SHANK2: variants seen among roughly 807,000 people sequenced by gnomAD.
The protein encoded by SHANK2 is SH3 and multiple ankyrin repeat domains protein 2.
In SHANK2, 43 loss-of-function variants were observed where a neutral mutation model predicts 133.7. The ratio of observed to expected loss-of-function variants is 0.32; its 90% CI spans 0.25 to 0.41. SHANK2 has a LOEUF of 0.41. Ranked by LOEUF, SHANK2 falls within the 10% of genes least tolerant of loss-of-function variation. The pLI, the probability that SHANK2 is intolerant of heterozygous loss-of-function variation, is 1.00. For synonymous variants in SHANK2, 1,017 were observed against 952.8 expected, an observed-to-expected ratio of 1.07 and a Z score of -1.24; for missense variants, 1,994 against 2,235.8, an observed-to-expected ratio of 0.89 and a Z score of 2.18.
intron 25 of SHANK2, chr11:70,477,139 AG>A (rs1555150284): frequency 1.3e-5 from 2 of 152,198 alleles, no homozygotes; most frequent in East Asian, 3.9e-4. Context: ...GCAGCACAGC[AG>A]GTGGCACTTA....
At chr11:70,824,235 T>G (rs1284974480) in intron 11 of SHANK2, among the ~76,000 whole-genome samples, 4 of 151,972 alleles carry the variant, frequency 2.6e-5, no homozygotes, top group African/African-American at 7.3e-5. Context: ...GAGCCAAGCC[T>G]GGGGAGCCGC....
chr11:71,108,933 G>A (rs546158964), intron 6 of SHANK2, among the ~76,000 whole-genome samples: 50 of 149,932 alleles, frequency 3.3e-4, no homozygotes, highest in Non-Finnish European at 5.5e-4. Flanking sequence ...TCCACACCCA[G>A]CGGGCCCCCC....
intron 14 of SHANK2, among the ~76,000 whole-genome samples, chr11:70,797,545 G>A (rs1018086567): frequency 2.0e-5 from 3 of 152,116 alleles, no homozygotes; most frequent in South Asian, 2.1e-4. Flanking sequence ...CAGAACACAC[G>A]TTTGTAGGGC....
At chr11:70,724,218 T>C (rs899134667) in intron 14 of SHANK2, among the ~76,000 whole-genome samples, 3 of 152,124 alleles carry the variant, frequency 2.0e-5, no homozygotes, top group Non-Finnish European at 2.9e-5. Context: ...GTATTTTTAG[T>C]AGAGACAGGG....
intron 15 of SHANK2, among the ~76,000 whole-genome samples, chr11:70,691,661 G>T (rs541837094): frequency 2.8e-4 from 42 of 152,342 alleles, no homozygotes; most frequent in Non-Finnish European, 5.1e-4. Flanking sequence ...GGAGGCTGAG[G>T]CTGGTGGATC....
rs1468767063 is a variant in SHANK2 at position 71,060,564 on chromosome 11, C to T, written c.1030-4006G>A. 2.0e-5 allele frequency among the ~76,000 whole-genome samples: 3 copies of T among 152,228 alleles called. No individual in the cohort carries two copies. The East Asian group carries it at 5.8e-4, about 29-fold the overall frequency. ...TTTCACAGAAGATGTTCACCCACTC[C>T]TGGGGAGCAGGAAGGCAGAGGCGGC... On this transcript the variant is annotated intron_variant, in intron 9 of 25. Transcript: ENST00000601538.
chr11:70,631,541 G>C (rs2060991202), intron 17 of SHANK2, among the ~76,000 whole-genome samples: 1 of 152,230 alleles, frequency 6.6e-6, no homozygotes, highest in Non-Finnish European at 1.5e-5. Context: ...CCAGCGGACA[G>C]TGAGTCACTG....
chr11:70,708,161 G>C (rs1555025344), intron 14 of SHANK2, among the ~76,000 whole-genome samples: 2 of 152,184 alleles, frequency 1.3e-5, no homozygotes, highest in African/African-American at 4.8e-5. Context: ...ATGCAACCCA[G>C]CTCAGGCAAG....
At chr11:70,843,246 G>T (rs1490588063) in intron 11 of SHANK2, among the ~76,000 whole-genome samples, 2 of 128,998 alleles carry the variant, frequency 1.6e-5, no homozygotes, top group African/African-American at 5.7e-5. Context: ...GGTGGGCTGG[G>T]CTCCTATGGG....
rs2059264109 is a variant in SHANK2, at chr11:70,516,229, C to G, written c.2062-13298G>C. ...TGACACTCCCCAACTTCAAGAGTTA[C>G]TATACAGCTACAGTAATCAAGGCAG... On this transcript the variant is annotated intron_variant, in intron 17 of 25. Transcript: ENST00000601538. Among the ~76,000 whole-genome samples the G allele has an allele frequency of 3.3e-5, 5 of 152,212 alleles. No homozygotes were observed. In the South Asian group the frequency reaches 1.0e-3, roughly 32 times the overall value.
At chr11:71,131,257 C>T (rs1952300198) in intron 3 of SHANK2, among the ~76,000 whole-genome samples, 1 of 152,216 alleles carries the variant, frequency 6.6e-6, no homozygotes, top group South Asian at 2.1e-4. Flanking sequence ...TGGTGGCAAA[C>T]ACTAAAACCC....
At chr11:70,706,786 A>G (rs1945671527) in intron 14 of SHANK2, among the ~76,000 whole-genome samples, 1 of 151,938 alleles carries the variant, frequency 6.6e-6, no homozygotes, top group African/African-American at 2.4e-5. Context: ...CCCACTTAAT[A>G]TACCTTTTGG....
intron 14 of SHANK2, among the ~76,000 whole-genome samples, chr11:70,737,656 C>A (rs1396437432): frequency 6.6e-6 from 1 of 152,226 alleles, no homozygotes; most frequent in Non-Finnish European, 1.5e-5. Flanking sequence ...GCCCAGGCCC[C>A]AGTGGGCAGC....
At chr11:70,621,544 A>G (rs1407794733) in intron 17 of SHANK2, among the ~76,000 whole-genome samples, 1 of 152,194 alleles carries the variant, frequency 6.6e-6, no homozygotes, top group East Asian at 1.9e-4. Flanking sequence ...GGTGCTTGGG[A>G]AATACGGGTG....
In SHANK2 at chr11:70,473,523, G is replaced by A. The variant is rs115020048; in HGVS notation, c.4980-84C>T. Reference sequence around the variant, plus strand: ...GCTGCAGATCACCCAGGAAGGCGAGGGAGACGCCCAAACCATGCCAGAGTG... The same window carrying A: ...GCTGCAGATCACCCAGGAAGGCGAGAGAGACGCCCAAACCATGCCAGAGTG... On this transcript the variant is annotated intron_variant, in intron 25 of 25. Transcript: ENST00000601538. This position sits in a 1 kb window ranked among gnomAD's most constrained non-coding sequence, Gnocchi z 5.9. 2,410 of 1,370,598 alleles carry A rather than the reference G, an allele frequency of 1.8e-3. 23 individuals are homozygous for A. In the African/African-American group the frequency reaches 0.028, roughly 16 times the overall value. The allele number at this position is 1,370,598 out of a possible 1,614,324, so 84.9% of individuals were successfully genotyped here.
At chr11:70,793,902 G>A (rs1212263631) in intron 14 of SHANK2, among the ~76,000 whole-genome samples, 4 of 152,212 alleles carry the variant, frequency 2.6e-5, no homozygotes, top group African/African-American at 4.8e-5. Flanking sequence ...AGCCAAAACT[G>A]AGAAGCAATC....
At chr11:71,096,188 T>C (rs1425871952) in intron 6 of SHANK2, among the ~76,000 whole-genome samples, 1 of 152,262 alleles carries the variant, frequency 6.6e-6, no homozygotes, top group Non-Finnish European at 1.5e-5. Context: ...TGAATGCCAT[T>C]GCACATGACT....
chr11:70,876,134 C>G (rs376352618), intron 11 of SHANK2, among the ~76,000 whole-genome samples: 1 of 149,864 alleles, frequency 6.7e-6, no homozygotes, highest in East Asian at 2.0e-4. Flanking sequence ...CCAGCCTGGG[C>G]AACAAGAGTG....
At chr11:71,063,419 CAT>C (rs1209805636) in intron 9 of SHANK2, among the ~76,000 whole-genome samples, 11 of 152,340 alleles carry the variant, frequency 7.2e-5, no homozygotes, top group South Asian at 6.2e-4. Context: ...GCATATCACA[CAT>C]GTGTCTGTGT....
Sources: gnomAD v4.1 joint callset for allele counts (sites outside exome capture counted in the v4.1 genomes callset) on GRCh38, gnomAD v4.1.1 for gene constraint, Gnocchi (gnomAD v3.1) non-coding constraint, MANE v1.5 for transcripts, NCBI Gene and HGNC (gene_info 2026-07-23, HGNC 2026-07-21) for gene names.